SNRPC: variants seen among roughly 807,000 people sequenced by gnomAD.
The protein encoded by SNRPC is small nuclear ribonucleoprotein polypeptide C, also known as U1 small nuclear ribonucleoprotein C.
In SNRPC, 5 loss-of-function variants were observed where a neutral mutation model predicts 20.0. That is an observed-to-expected ratio of 0.25 (90% CI 0.13 to 0.53). The LOEUF (loss-of-function observed/expected upper bound fraction) is 0.53. Among genes scored for constraint, SNRPC ranks in the 20% least tolerant of loss-of-function variants. The probability of loss-of-function intolerance (pLI) is 0.96; values close to 1 mark genes in which losing one functional copy is unlikely to be tolerated. For synonymous variants in SNRPC, 61 were observed against 58.7 expected (o/e 1.04, Z -0.18); for missense variants, 112 against 224.1 (o/e 0.50, Z 3.19).
chr6:34,761,195 A>G (rs1030260714), intron 2 of SNRPC, among the ~76,000 whole-genome samples: 3 of 151,740 alleles, frequency 2.0e-5, no homozygotes, highest in African/African-American at 4.8e-5. Context: ...GCTGGAGTGC[A>G]GTAGCATGAT....
At chr6:34,761,086 G>A (rs932987166) in intron 2 of SNRPC, among the ~76,000 whole-genome samples, 16 of 151,422 alleles carry the variant, frequency 1.1e-4, no homozygotes, top group Non-Finnish European at 2.2e-4. Flanking sequence ...AAAGAAATGT[G>A]TAAAAACATT....
chr6:34,757,714 A>G, intron 1 of SNRPC, 163 bp downstream of exon 1: 1 of 1,424,926 alleles, frequency 7.0e-7, no homozygotes, highest in Non-Finnish European at 9.7e-7. Flanking sequence ...ACCCCATTTT[A>G]GAGTGCAGAT....
At chr6:34,762,545 T>C (rs775952944) in intron 2 of SNRPC, 50 bp from the exon 3 acceptor site, 31 of 959,908 alleles carry the variant, frequency 3.2e-5, no homozygotes, top group Non-Finnish European at 4.2e-5. Context: ...ATTAAATTTT[T>C]AGTGTTGGAC....
At chr6:34,768,450 C>A (rs138637796) in intron 4 of SNRPC, among the ~76,000 whole-genome samples, 1 of 152,070 alleles carries the variant, frequency 6.6e-6, no homozygotes, top group Non-Finnish European at 1.5e-5. Flanking sequence ...AAAATCTATA[C>A]CTTAGAAAGA....
At chr6:34,764,432 C>T (rs568500782) in intron 3 of SNRPC, among the ~76,000 whole-genome samples, 100 of 151,626 alleles carry the variant, frequency 6.6e-4, no homozygotes, top group African/African-American at 2.3e-3. Flanking sequence ...GCCGAGATCG[C>T]GCCATTGCAT....
chr6:34,763,815 C>T (rs1239361655), intron 3 of SNRPC, among the ~76,000 whole-genome samples: 1 of 151,166 alleles, frequency 6.6e-6, no homozygotes, highest in Non-Finnish European at 1.5e-5. Flanking sequence ...CTCCCAGGTT[C>T]AAGCGATTCT....
Position 34,773,346 on chromosome 6 carries a change from G to C in SNRPC, c.356-100G>C. The stretch of plus-strand genomic sequence containing the variant: ...GTCTTTTTTCCAGCATTTTGCAAGG[G>C]GGGCTACGTTTTTTGTTTTTAATTG... On this transcript the variant is annotated intron_variant, in intron 5 of 5. Transcript: ENST00000244520. The surrounding 1 kb of genome is among the most constrained non-coding windows in gnomAD (Gnocchi z 4.1). The C allele has an allele frequency of 1.0e-6, 1 of 996,488 alleles. No individual in the cohort carries two copies. Among genetic ancestry groups the C allele is most frequent in the Admixed American group, 2.6e-5 (1 of 38,128 alleles). The allele number at this position is 996,488 out of a possible 1,614,324, so 61.7% of individuals were successfully genotyped here.
At chr6:34,762,552 G>T in intron 2 of SNRPC, 43 bp from the exon 3 acceptor site, 2 of 1,037,980 alleles carry the variant, frequency 1.9e-6, no homozygotes, top group Non-Finnish European at 1.5e-6. Context: ...TTTTAGTGTT[G>T]GACATTTGTT....
At chr6:34,765,387 C>T (rs1447196645) in intron 3 of SNRPC, among the ~76,000 whole-genome samples, 1 of 151,996 alleles carries the variant, frequency 6.6e-6, no homozygotes, top group African/African-American at 2.4e-5. Flanking sequence ...AAACCTCAGA[C>T]ATTGTCCCAG....
chr6:34,767,900 C>A lies in SNRPC; in HGVS notation c.161-8C>A. On this transcript the variant is annotated splice_region_variant and splice_polypyrimidine_tract_variant and intron_variant, in intron 3 of 5. Coordinates refer to ENST00000244520, the MANE Select transcript of SNRPC (RefSeq NM_003093.3). ...CTTTTTTTTTTTTTTTTTCCTCACCCTCCAAAGCGGCTGCATTTCAACAAG... is the reference window on the plus strand; with the variant it reads ...CTTTTTTTTTTTTTTTTTCCTCACCATCCAAAGCGGCTGCATTTCAACAAG... 1.4e-6 allele frequency: 2 copies of A among 1,478,292 alleles called. No individual in the cohort carries two copies. Among genetic ancestry groups the A allele is most frequent in the South Asian group, 1.2e-5 (1 of 81,614 alleles). 91.6% of individuals were successfully genotyped at this position (1,478,292 alleles called of 1,614,324 possible).
At position 34,773,465 on chromosome 6, in the gene SNRPC, C is replaced by T; in HGVS notation, c.375C>T (p.Pro125=). The change falls in exon 6 of 6, where the codon CCC becomes CCT. Residue 125 remains proline, a synonymous_variant. Coordinates refer to ENST00000244520, the MANE Select transcript of SNRPC (RefSeq NM_003093.3). The surrounding 1 kb of genome is among the most constrained non-coding windows in gnomAD (Gnocchi z 4.1). The part of the protein sequence containing the change: ...PVGPAPGMRP[P]MGGHMPMMPG... ...CTGCAGCTCCTGGAATGAGGCCGCC[C>T]ATGGGAGGCCATATGCCAATGATGC... is the stretch of plus-strand genomic sequence containing the variant. 1 of 1,613,782 alleles carries T rather than the reference C, an allele frequency of 6.2e-7. No homozygotes were observed.
intron 2 of SNRPC, among the ~76,000 whole-genome samples, chr6:34,759,596 CT>C (rs1314977813): frequency 4.6e-5 from 7 of 152,036 alleles, no homozygotes; most frequent in South Asian, 2.1e-4. Context: ...GTGGAACTGG[CT>C]TTTTTTTCCC....
intron 4 of SNRPC, among the ~76,000 whole-genome samples, chr6:34,768,597 C>A (rs943277448): frequency 6.6e-6 from 1 of 151,832 alleles, no homozygotes; most frequent in African/African-American, 2.4e-5. Flanking sequence ...ACTAAAAATA[C>A]AAAAGTTAGC....
intron 1 of SNRPC, 116 bp from the exon 2 acceptor site, chr6:34,757,796 C>T: frequency 6.3e-7 from 1 of 1,597,770 alleles, no homozygotes; most frequent in African/African-American, 1.4e-5. Context: ...AGTCGTGAGG[C>T]GGTCTGGCTT....
rs542375769 is a variant in SNRPC, at chr6:34,769,219, T to G, written c.251-1072T>G. Among the ~76,000 whole-genome samples, 10 of 142,222 alleles carry G rather than the reference T, an allele frequency of 7.0e-5. No homozygotes were observed. In the Admixed American group the frequency reaches 7.1e-4, roughly 10 times the overall value. The allele number at this position is 142,222 out of a possible 152,430, so 93.3% of individuals were successfully genotyped here. A position where few individuals can be genotyped will look rare whatever the true frequency, so the allele number is the denominator to read the frequency against. On this transcript the variant is annotated intron_variant, in intron 4 of 5. Transcript: ENST00000244520. ...ATTTACCATAATTTACCTCACTATT[T>G]TCTTTCTTTCTTTTTTTTTTTTTTT...
rs374632010 is a variant in SNRPC at position 34,759,041 on chromosome 6, A to AAAAAG, written c.51+1097_51+1101dup. On this transcript the variant is annotated intron_variant, in intron 2 of 5. Coordinates refer to ENST00000244520, the MANE Select transcript of SNRPC (RefSeq NM_003093.3). ...TCTCAAAAAAAAAAAAAAAAAAAAA[A>AAAAAG]AAAAGAAAAGAAAACCCACGTTAAT... 7.4e-4 allele frequency among the ~76,000 whole-genome samples: 108 copies of AAAAAG among 145,840 alleles called. 3 individuals carry two copies. Among genetic ancestry groups the AAAAAG allele is most frequent in the East Asian group, 3.2e-3 (14 of 4,438 alleles).
chr6:34,764,206 G>T (rs943729020), intron 3 of SNRPC, among the ~76,000 whole-genome samples: 3 of 149,416 alleles, frequency 2.0e-5, no homozygotes, highest in Non-Finnish European at 4.4e-5. Context: ...TTGGCCGGGC[G>T]TGGTGGCTCA....
intron 5 of SNRPC, among the ~76,000 whole-genome samples, chr6:34,772,459 C>G (rs978182322): frequency 6.6e-6 from 1 of 152,070 alleles, no homozygotes; most frequent in Non-Finnish European, 1.5e-5. Context: ...ATTCTCTGTT[C>G]CTGTTTAAAT....
chr6:34,768,076 C>A, intron 4 of SNRPC, 79 bp downstream of exon 4: 1 of 1,238,480 alleles, frequency 8.1e-7, no homozygotes. Flanking sequence ...TCACCGTTGG[C>A]TTTCAAATGC....
Sources: allele counts gnomAD v4.1 joint callset (sites outside exome capture counted in the v4.1 genomes callset), GRCh38; gene constraint gnomAD v4.1.1; non-coding constraint Gnocchi (gnomAD v3.1); transcripts MANE v1.5; gene names NCBI Gene and HGNC (gene_info 2026-07-23, HGNC 2026-07-21).